DNAH14: variants seen among roughly 807,000 people sequenced by gnomAD.
The protein encoded by DNAH14 is axonemal beta dynein heavy chain 14.
In DNAH14, 478 loss-of-function variants were observed where a neutral mutation model predicts 520.9. That is an observed-to-expected ratio of 0.92 (90% CI 0.85 to 0.99). The LOEUF is 0.99. Among genes scored for constraint, DNAH14 ranks in the 50% least tolerant of loss-of-function variants. DNAH14 has a pLI of 0.00. For missense variants in DNAH14, 4,831 were observed against 5,234.5 expected (o/e 0.92, Z 2.38); for synonymous variants, 1,581 against 1,757.2 (o/e 0.90, Z 2.51).
chr1:225,386,411 A>G (rs1310604580), intron 81 of DNAH14, among the ~76,000 whole-genome samples: 1 of 152,272 alleles, frequency 6.6e-6, no homozygotes, highest in Non-Finnish European at 1.5e-5. Context: ...GCTTCTGCAC[A>G]GCAAAAGAAA....
intron 8 of DNAH14, among the ~76,000 whole-genome samples, chr1:225,002,255 T>C (rs1352375949): frequency 2.6e-5 from 4 of 152,078 alleles, no homozygotes; most frequent in Non-Finnish European, 5.9e-5. Flanking sequence ...ATTTCCAGTG[T>C]AGTTAGTAGT....
intron 76 of DNAH14, among the ~76,000 whole-genome samples, chr1:225,365,791 T>TG (rs760639790): frequency 4.4e-5 from 6 of 136,672 alleles, no homozygotes; most frequent in African/African-American, 1.6e-4. Flanking sequence ...GTGGAGGTAC[T>TG]GGGGGTAGGG....
At chr1:225,308,227 T>C in intron 59 of DNAH14, 58 bp from the exon 60 acceptor site, 1 of 1,481,954 alleles carries the variant, frequency 6.7e-7, no homozygotes, top group Admixed American at 2.8e-5. Flanking sequence ...ATTGCTCTTT[T>C]AGAAAAGAGA....
intron 5 of DNAH14, among the ~76,000 whole-genome samples, chr1:224,964,815 T>G (rs932492075): frequency 6.6e-6 from 1 of 152,170 alleles, no homozygotes; most frequent in Non-Finnish European, 1.5e-5. Flanking sequence ...ATATAAACTT[T>G]AAGTCTATAA....
chr1:225,023,812 T>C lies in DNAH14; in HGVS notation c.1305T>C (p.Asn435=), dbSNP rs2065895791. ...TCACACTACTTTTGGAATTATTTAA[T>C]GGTTCTGCTGGAATGCCATTTTCAG... is the stretch of plus-strand genomic sequence containing the variant. ...TAVTLLLELF[N]GSAGMPFSVE... The change falls in exon 11 of 86, where the codon AAT becomes AAC. Residue 435 remains asparagine, a synonymous_variant. Coordinates refer to ENST00000682510, the MANE Select transcript of DNAH14 (RefSeq NM_001367479.1). 6.5e-7 allele frequency: 1 copy of C among 1,546,692 alleles called. No homozygotes were observed. The highest frequency in any genetic ancestry group is 8.7e-7 in the Non-Finnish European group (1 of 1,144,752).
At chr1:225,290,643 G>GTATATATATA (rs1334178874) in intron 55 of DNAH14, among the ~76,000 whole-genome samples, 2 of 51,142 alleles carry the variant, frequency 3.9e-5, no homozygotes, top group African/African-American at 2.1e-4. Flanking sequence ...GTGTGTGTGT[G>GTATATATATA]TGTGTATATA....
At chr1:225,382,627 T>C (rs534593386) in intron 81 of DNAH14, among the ~76,000 whole-genome samples, 1 of 151,924 alleles carries the variant, frequency 6.6e-6, no homozygotes, top group African/African-American at 2.4e-5. Context: ...GGGAGGAGAA[T>C]TGCTTGAACC....
At chr1:225,258,739 C>T (rs2092827305) in intron 45 of DNAH14, among the ~76,000 whole-genome samples, 1 of 152,120 alleles carries the variant, frequency 6.6e-6, no homozygotes, top group East Asian at 1.9e-4. Flanking sequence ...ATTGTAAAAT[C>T]ATTACAGAGT....
intron 21 of DNAH14, among the ~76,000 whole-genome samples, chr1:225,094,667 A>C (rs150240818): frequency 2.0e-5 from 2 of 100,232 alleles, no homozygotes; most frequent in African/African-American, 1.1e-4. Context: ...AAAAAAAAAA[A>C]AAAAAAAAAA....
rs1056868892 is a variant in DNAH14, at chr1:225,268,648, C to T, written c.7539+1879C>T. ...AGCAAAGTCTCAGGATACAAAATCA[C>T]TGTGCAAAAATCACAAACATTCCTA... On this transcript the variant is annotated intron_variant, in intron 49 of 85. Transcript: ENST00000682510. Among the ~76,000 whole-genome samples, 4 of 152,274 alleles carry T rather than the reference C, an allele frequency of 2.6e-5. No individual in the cohort carries two copies. The East Asian group carries it at 7.7e-4, about 29-fold the overall frequency.
In DNAH14 at chr1:225,159,415, T is replaced by C; in HGVS notation, c.5375T>C (p.Leu1792Pro). The C allele has an allele frequency of 6.5e-7, 1 of 1,549,954 alleles. No individual in the cohort carries two copies. The highest frequency in any genetic ancestry group is 8.7e-7 in the Non-Finnish European group (1 of 1,146,268). ...LPKCPPEDVP[L>P]FENIIGDIFP... ...AAATGTCCTCCTGAAGATGTCCCAC[T>C]TTTTGAAAATATTATAGGAGATATT... Residue 1792 changes from leucine (L) to proline (P), a missense_variant, in exon 35 of 86, where the codon CTT becomes CCT. Transcript: ENST00000682510.
chr1:225,147,058 A>C (rs2080014456), intron 30 of DNAH14, 46 bp from the exon 31 acceptor site: 1 of 1,403,862 alleles, frequency 7.1e-7, no homozygotes, highest in Admixed American at 2.4e-5. Flanking sequence ...AAATTTTCTC[A>C]CCATTATAAT....
intron 71 of DNAH14, among the ~76,000 whole-genome samples, chr1:225,351,135 G>A (rs1265585778): frequency 6.6e-6 from 1 of 152,208 alleles, no homozygotes; most frequent in African/African-American, 2.4e-5. Context: ...TGGGTGCAGT[G>A]GCTCATGCCT....
chr1:225,083,304 ATAATG>A (rs750181343), intron 20 of DNAH14, among the ~76,000 whole-genome samples: 136 of 71,762 alleles, frequency 1.9e-3, no homozygotes, highest in Admixed American at 7.2e-3. Flanking sequence ...CTGACAACAT[ATAATG>A]TAATCAAAAC....
intron 3 of DNAH14, among the ~76,000 whole-genome samples, chr1:224,956,559 G>A (rs1368607178): frequency 6.6e-6 from 1 of 152,094 alleles, no homozygotes; most frequent in Non-Finnish European, 1.5e-5. Context: ...GTTTGTGTAA[G>A]TGCACTCTTA....
rs1191990172 is a variant in DNAH14, at chr1:225,059,463, G to T, written c.2424+7668G>T. The stretch of plus-strand genomic sequence containing the variant: ...TTTCCTGAATACAGCACACTGATGG[G>T]TCTTGACTCTTTATCCATTTTGCCA... On this transcript the variant is annotated intron_variant, in intron 17 of 85. Coordinates refer to ENST00000682510, the MANE Select transcript of DNAH14 (RefSeq NM_001367479.1). Among the ~76,000 whole-genome samples, 10 of 151,948 alleles carry T rather than the reference G, an allele frequency of 6.6e-5. No individual in the cohort carries two copies. In the South Asian group the frequency reaches 1.0e-3, roughly 16 times the overall value.
At chr1:225,397,501 A>C (rs1253235374) in intron 84 of DNAH14, 2 of 152,404 alleles carry the variant, frequency 1.3e-5, no homozygotes, top group African/African-American at 4.8e-5. Context: ...CTGCCCCATC[A>C]GAGGAGATGG....
chr1:225,298,569 C>A (rs892578689), intron 55 of DNAH14, among the ~76,000 whole-genome samples: 3 of 152,110 alleles, frequency 2.0e-5, no homozygotes, highest in African/African-American at 7.2e-5. Context: ...ATATAGACAC[C>A]CATGTGGACT....
chr1:225,128,115 G>A lies in DNAH14; in HGVS notation c.4254+4501G>A, dbSNP rs574934823. The stretch of plus-strand genomic sequence containing the variant: ...ATGGGCTTCCCTTTGTGGGTAACCC[G>A]ACCGTTCTCTCTGGCTGTCCTTAAC... On this transcript the variant is annotated intron_variant, in intron 27 of 85. Transcript: ENST00000682510. Among the ~76,000 whole-genome samples the A allele has an allele frequency of 1.3e-3, 194 of 152,164 alleles. 1 individual carries two copies. The Middle Eastern group carries it at 0.037, about 29-fold the overall frequency.
Sources: allele counts gnomAD v4.1 joint callset (sites outside exome capture counted in the v4.1 genomes callset), GRCh38; gene constraint gnomAD v4.1.1; transcripts MANE v1.5; gene names NCBI Gene and HGNC (gene_info 2026-07-23, HGNC 2026-07-21).